The following PTPRD variants were observed in gnomAD, a reference collection of about 807,000 sequenced individuals.
The protein encoded by PTPRD is protein tyrosine phosphatase receptor type D.
A neutral mutation model predicts 214.5 loss-of-function variants in PTPRD; 34 were observed. The observed-to-expected ratio is 0.16, with a 90% confidence interval of 0.12 to 0.21. The LOEUF is 0.21. Ranked by LOEUF, PTPRD falls within the 10% of genes least tolerant of loss-of-function variation. The pLI is 1.00. For synonymous variants in PTPRD, 1,128 were observed against 845.7 expected (o/e 1.33, Z -5.79); for missense variants, 2,545 against 2,398.7 (o/e 1.06, Z -1.27).
intron 34 of PTPRD, among the ~76,000 whole-genome samples, chr9:8,443,577 A>G (rs1221343982): frequency 6.6e-6 from 1 of 152,228 alleles, no homozygotes; most frequent in Non-Finnish European, 1.5e-5. Flanking sequence ...CCACTGAATG[A>G]AAATGAGGTC....
intron 11 of PTPRD, among the ~76,000 whole-genome samples, chr9:8,738,180 T>G (rs906484581): frequency 1.3e-5 from 2 of 152,322 alleles, no homozygotes; most frequent in Non-Finnish European, 2.9e-5. Flanking sequence ...ACGATGCATG[T>G]AATATAATTT....
chr9:9,371,942 C>T (rs1004506803), intron 9 of PTPRD, among the ~76,000 whole-genome samples: 22 of 152,224 alleles, frequency 1.4e-4, no homozygotes, highest in Admixed American at 1.4e-3. Flanking sequence ...TTTCTTAATC[C>T]TGAGTTCTAG....
At chr9:9,033,715 T>G (rs1590175466) in intron 10 of PTPRD, among the ~76,000 whole-genome samples, 1 of 152,128 alleles carries the variant, frequency 6.6e-6, no homozygotes, top group East Asian at 1.9e-4. Flanking sequence ...TCTCTGTTCT[T>G]TTATTCTCTC....
chr9:10,522,042 C>A (rs562897560), intron 2 of PTPRD, among the ~76,000 whole-genome samples: 3 of 152,164 alleles, frequency 2.0e-5, no homozygotes, highest in Non-Finnish European at 2.9e-5. Flanking sequence ...TGTATATCCA[C>A]ACACTCATAG....
chr9:9,815,425 T>G (rs918878972), intron 5 of PTPRD, among the ~76,000 whole-genome samples: 1 of 152,154 alleles, frequency 6.6e-6, no homozygotes, highest in Non-Finnish European at 1.5e-5. Flanking sequence ...AAAGGAAACG[T>G]AGAGAAAAGT....
chr9:9,241,492 T>A (rs1282971212), intron 9 of PTPRD, among the ~76,000 whole-genome samples: 1 of 152,100 alleles, frequency 6.6e-6, no homozygotes, highest in Non-Finnish European at 1.5e-5. Flanking sequence ...TTTGAGAAAC[T>A]AAGGTAAACT....
At chr9:8,561,302 G>A (rs2086215951) in intron 14 of PTPRD, among the ~76,000 whole-genome samples, 1 of 152,012 alleles carries the variant, frequency 6.6e-6, no homozygotes, top group South Asian at 2.1e-4. Flanking sequence ...CAGCCACACT[G>A]AGAAAAAAAC....
At chr9:8,611,272 T>C (rs1037195238) in intron 14 of PTPRD, among the ~76,000 whole-genome samples, 1 of 152,206 alleles carries the variant, frequency 6.6e-6, no homozygotes, top group African/African-American at 2.4e-5. Flanking sequence ...AGAGGATATA[T>C]ATTTTTTTAA....
At chr9:8,459,900 T>C (rs2096340117) in intron 33 of PTPRD, among the ~76,000 whole-genome samples, 1 of 152,138 alleles carries the variant, frequency 6.6e-6, no homozygotes, top group Non-Finnish European at 1.5e-5. Context: ...TCTCTTTTTT[T>C]TCCCCTTCCT....
chr9:10,070,425 T>A (rs1376790033), intron 3 of PTPRD, among the ~76,000 whole-genome samples: 1 of 152,084 alleles, frequency 6.6e-6, no homozygotes, highest in African/African-American at 2.4e-5. Flanking sequence ...GGGTTCAGCA[T>A]CTTTGTAGCA....
At chr9:10,599,964 T>C (rs926901093) in intron 2 of PTPRD, among the ~76,000 whole-genome samples, 3 of 151,816 alleles carry the variant, frequency 2.0e-5, no homozygotes, top group Admixed American at 6.6e-5. Context: ...AGGAATATTT[T>C]ACTATTGATA....
chr9:8,579,342 G>T (rs1168882322), intron 14 of PTPRD, among the ~76,000 whole-genome samples: 1 of 152,110 alleles, frequency 6.6e-6, no homozygotes, highest in Admixed American at 6.5e-5. Flanking sequence ...TAAAAGAAAA[G>T]ATATAATAAA....
chr9:10,411,366 G>T (rs1347142220), intron 2 of PTPRD, among the ~76,000 whole-genome samples: 3 of 151,754 alleles, frequency 2.0e-5, no homozygotes, highest in Non-Finnish European at 2.9e-5. Flanking sequence ...GGATTTCCCA[G>T]TTCATCATGA....
intron 8 of PTPRD, among the ~76,000 whole-genome samples, chr9:9,520,077 C>A (rs2096929977): frequency 6.6e-6 from 1 of 151,744 alleles, no homozygotes; most frequent in Non-Finnish European, 1.5e-5. Flanking sequence ...GAACTTTTTT[C>A]AAGTGTTTAG....
chr9:9,457,286 T>C (rs2093141959), intron 8 of PTPRD, among the ~76,000 whole-genome samples: 1 of 151,942 alleles, frequency 6.6e-6, no homozygotes, highest in South Asian at 2.1e-4. Flanking sequence ...CCCTATAAAT[T>C]CAATATAGTC....
At chr9:9,805,079 A>T (rs1392708994) in intron 5 of PTPRD, among the ~76,000 whole-genome samples, 1 of 152,080 alleles carries the variant, frequency 6.6e-6, no homozygotes, top group Admixed American at 6.6e-5. Context: ...ACTCTCTTTT[A>T]ATTAGAAAAA....
chr9:9,084,011 T>G (rs372421012), intron 10 of PTPRD, among the ~76,000 whole-genome samples: 1 of 152,170 alleles, frequency 6.6e-6, no homozygotes, highest in East Asian at 1.9e-4. Flanking sequence ...CTCGAGGACC[T>G]AGAACCAGAA....
In PTPRD at chr9:8,581,544, T is replaced by C. The variant is rs182770161; in HGVS notation, c.352+51773A>G. ...TGGGCGGATCACGAGGTCAGGATAT[T>C]GAGACCATTCTGGCTAACACAGTGA... On this transcript the variant is annotated intron_variant, in intron 14 of 45. Transcript: ENST00000381196. 2.7e-3 allele frequency among the ~76,000 whole-genome samples: 395 copies of C among 148,018 alleles called. 3 individuals carry two copies. Among genetic ancestry groups the C allele is most frequent in the African/African-American group, 9.5e-3 (381 of 40,032 alleles).
intron 3 of PTPRD, among the ~76,000 whole-genome samples, chr9:10,076,970 C>T (rs966506681): frequency 3.9e-5 from 6 of 152,130 alleles, no homozygotes; most frequent in Non-Finnish European, 5.9e-5. Context: ...CTATGTACAA[C>T]CTGACTTCAA....
Sources: allele counts gnomAD v4.1 joint callset (sites outside exome capture counted in the v4.1 genomes callset), GRCh38; gene constraint gnomAD v4.1.1; transcripts MANE v1.5; gene names NCBI Gene and HGNC (gene_info 2026-07-23, HGNC 2026-07-21).